MCPH1: variants seen among roughly 807,000 people sequenced by gnomAD.
MCPH1 encodes microcephalin 1, also known as microcephalin.
Under a neutral mutation model 84.5 loss-of-function variants are expected in MCPH1, and 104 were observed. The observed-to-expected ratio is 1.23, with a 90% CI of 1.05 to 1.45. MCPH1 has a LOEUF of 1.45. Ranked by LOEUF, MCPH1 falls within the 40% of genes most tolerant of loss-of-function variation. MCPH1 has a pLI of 0.00. For synonymous variants in MCPH1, 514 were observed against 366.8 expected (o/e 1.40, Z -4.58); for missense variants, 1,498 against 1,005.7 (o/e 1.49, Z -6.62).
intron 12 of MCPH1, among the ~76,000 whole-genome samples, chr8:6,583,270 A>C (rs1380921694): frequency 6.6e-6 from 1 of 152,076 alleles, no homozygotes; most frequent in East Asian, 1.9e-4. Flanking sequence ...CTTCTAAACA[A>C]ACGAGATACA....
intron 1 of MCPH1, among the ~76,000 whole-genome samples, chr8:6,407,612 G>A (rs1012434646): frequency 6.6e-6 from 1 of 152,316 alleles, no homozygotes; most frequent in East Asian, 1.9e-4. Flanking sequence ...CAAAAGTAAA[G>A]ACTAGAGGCT....
intron 10 of MCPH1, among the ~76,000 whole-genome samples, chr8:6,480,104 CCTTTTTTTCTTTTTT>C (rs1169352262): frequency 2.0e-5 from 3 of 150,652 alleles, no homozygotes; most frequent in East Asian, 2.0e-4. Context: ...GGGCCTGGTT[CCTTTTTTTCTTTTTT>C]CTTTTTTTCT....
At chr8:6,433,000 C>G (rs992967937) in intron 4 of MCPH1, among the ~76,000 whole-genome samples, 1 of 152,212 alleles carries the variant, frequency 6.6e-6, no homozygotes, top group African/African-American at 2.4e-5. Flanking sequence ...GTACATTACA[C>G]ACATGTACAC....
At position 6,445,404 on chromosome 8, in the gene MCPH1, C is replaced by T; in HGVS notation, c.1682C>T (p.Thr561Ile). ...AAAGAAGCGGTTGGTCTGAAAAGCACACAGAACAAAGGTACCACTTCCAAA... is the reference window on the plus strand; with the variant it reads ...AAAGAAGCGGTTGGTCTGAAAAGCATACAGAACAAAGGTACCACTTCCAAA... ...EMKEAVGLKS[T>I]QNKGTTSKIS... Residue 561 changes from threonine to isoleucine, a missense_variant, in exon 8 of 14, where the codon ACA becomes ATA. Thr to Ile is a moderately conservative substitution (Grantham distance 89, BLOSUM62 -1). Coordinates refer to ENST00000344683, the MANE Select transcript of MCPH1 (RefSeq NM_024596.5). 1 of 1,614,204 alleles carries T rather than the reference C, an allele frequency of 6.2e-7. No individual in the cohort carries two copies.
At chr8:6,543,595 G>A (rs368218586) in intron 12 of MCPH1, among the ~76,000 whole-genome samples, 4 of 152,172 alleles carry the variant, frequency 2.6e-5, no homozygotes, top group South Asian at 2.1e-4. Context: ...GAAAAGAAAT[G>A]TGTTCTTTCC....
chr8:6,598,082 T>C (rs2515539), intron 12 of MCPH1, among the ~76,000 whole-genome samples: 99,959 of 152,038 alleles, frequency 0.66, 32,995 homozygotes, highest in Admixed American at 0.71. Context: ...TACTTGTGCC[T>C]CCGCTCAACA....
At chr8:6,563,197 A>G (rs770855562) in intron 12 of MCPH1, 3 of 319,662 alleles carry the variant, frequency 9.4e-6, no homozygotes, top group Admixed American at 4.1e-5. Flanking sequence ...TTTACAGAGC[A>G]GCTTTCACGG....
intron 12 of MCPH1, among the ~76,000 whole-genome samples, chr8:6,604,481 T>C (rs530227722): frequency 6.6e-6 from 1 of 152,136 alleles, no homozygotes; most frequent in Admixed American, 6.5e-5. Context: ...TGAGAGCACA[T>C]GTCAGAATTC....
intron 7 of MCPH1, 91 bp from the exon 8 acceptor site, chr8:6,444,302 C>A (rs2129555578): frequency 6.8e-7 from 1 of 1,463,780 alleles, no homozygotes; most frequent in Admixed American, 1.8e-5. Context: ...AATAGCTGTA[C>A]TTTAAAAGTT....
At chr8:6,545,470 T>G (rs543605251) in intron 12 of MCPH1, among the ~76,000 whole-genome samples, 1 of 152,376 alleles carries the variant, frequency 6.6e-6, no homozygotes, top group African/African-American at 2.4e-5. Flanking sequence ...AGTTTTCATC[T>G]AGGAGCACCT....
At chr8:6,410,662 C>G (rs552678621) in intron 2 of MCPH1, among the ~76,000 whole-genome samples, 3 of 152,128 alleles carry the variant, frequency 2.0e-5, no homozygotes, top group Non-Finnish European at 4.4e-5. Flanking sequence ...GGAAAAGATT[C>G]ATTCACGGGG....
chr8:6,598,432 A>C (rs997700354), intron 12 of MCPH1, among the ~76,000 whole-genome samples: 5 of 151,946 alleles, frequency 3.3e-5, no homozygotes, highest in African/African-American at 9.7e-5. Context: ...AGCCTCAGAC[A>C]TGAGGGGAGA....
intron 12 of MCPH1, chr8:6,501,553 C>CTTTTTTT (rs761570329): frequency 1.6e-5 from 2 of 128,050 alleles, no homozygotes; most frequent in African/African-American, 2.9e-5. Flanking sequence ...TCTTTTCTTT[C>CTTTTTTT]TTTTTTTTTT....
chr8:6,426,103 G>C (rs749080140), intron 3 of MCPH1, among the ~76,000 whole-genome samples: 7 of 151,994 alleles, frequency 4.6e-5, no homozygotes, highest in Non-Finnish European at 8.8e-5. Flanking sequence ...TCTTCCACCC[G>C]CCTCCCTTTC....
Position 6,414,891 on chromosome 8 carries a change from G to T in MCPH1, c.233+8G>T, listed in dbSNP as rs201218110. 1.3e-4 allele frequency: 215 copies of T among 1,612,660 alleles called. No homozygotes were observed. Among genetic ancestry groups the T allele is most frequent in the Non-Finnish European group, 1.7e-4 (202 of 1,179,350 alleles). ...GGTGCTCTGGGTGGAAAAGTAAGCA[G>T]TTTCTCTCTTACTTTTTTTCCTTAA... On this transcript the variant is annotated splice_region_variant and intron_variant, in intron 3 of 13. Coordinates refer to ENST00000344683, the MANE Select transcript of MCPH1 (RefSeq NM_024596.5).
At chr8:6,515,836 C>T (rs765373060) in intron 12 of MCPH1, among the ~76,000 whole-genome samples, 4 of 152,188 alleles carry the variant, frequency 2.6e-5, no homozygotes, top group Non-Finnish European at 4.4e-5. Context: ...TCAACGCACA[C>T]TGTTCTCTGT....
chr8:6,608,349 G>C (rs1389070037), intron 12 of MCPH1, among the ~76,000 whole-genome samples: 1 of 152,226 alleles, frequency 6.6e-6, no homozygotes, highest in Non-Finnish European at 1.5e-5. Flanking sequence ...GAAATGCGTT[G>C]AGAATTGTAG....
chr8:6,461,592 A>G (rs1321566446), intron 9 of MCPH1, among the ~76,000 whole-genome samples: 3 of 151,680 alleles, frequency 2.0e-5, no homozygotes, highest in Admixed American at 6.6e-5. Context: ...TGCCCGCCTC[A>G]GCCTCCCAAA....
intron 12 of MCPH1, among the ~76,000 whole-genome samples, chr8:6,601,860 G>A (rs1289207432): frequency 6.6e-6 from 1 of 152,014 alleles, no homozygotes; most frequent in African/African-American, 2.4e-5. Flanking sequence ...ATTCCCCAGA[G>A]CTTCTAGAGA....
Sources: gnomAD v4.1 joint callset for allele counts (sites outside exome capture counted in the v4.1 genomes callset) on GRCh38, gnomAD v4.1.1 for gene constraint, MANE v1.5 for transcripts, NCBI Gene and HGNC (gene_info 2026-07-23, HGNC 2026-07-21) for gene names.